TMEM132D: variants seen among roughly 807,000 people sequenced by gnomAD.
The protein encoded by TMEM132D is mature OL transmembrane protein.
A neutral mutation model predicts 62.3 loss-of-function variants in TMEM132D; 21 were observed. That is an observed-to-expected ratio of 0.34 (90% CI 0.24 to 0.49). The LOEUF (loss-of-function observed/expected upper bound fraction) is 0.49, where lower values mean the gene tolerates loss of function less well. TMEM132D is among the 20% of genes least tolerant of loss of function. The probability of loss-of-function intolerance (pLI) is 0.99; values close to 1 mark genes in which losing one functional copy is unlikely to be tolerated. For synonymous variants in TMEM132D, 621 were observed against 575.6 expected (o/e 1.08, Z -1.13); for missense variants, 1,346 against 1,402.8 (o/e 0.96, Z 0.65).
chr12:129,225,158 A>T (rs1879448510), intron 4 of TMEM132D, among the ~76,000 whole-genome samples: 1 of 152,170 alleles, frequency 6.6e-6, no homozygotes, highest in Non-Finnish European at 1.5e-5. Flanking sequence ...GGGACTGGAA[A>T]AGTTTCCATG....
intron 1 of TMEM132D, among the ~76,000 whole-genome samples, chr12:129,771,087 C>T (rs529894895): frequency 1.3e-5 from 2 of 152,332 alleles, no homozygotes; most frequent in Admixed American, 6.5e-5. Flanking sequence ...AGCCCGCACT[C>T]GGGCTCCAGC....
intron 2 of TMEM132D, among the ~76,000 whole-genome samples, chr12:129,532,067 A>T (rs1482961382): frequency 6.6e-6 from 1 of 152,124 alleles, no homozygotes; most frequent in East Asian, 1.9e-4. Flanking sequence ...AAAGAAAAAT[A>T]ATAATAAATA....
chr12:129,079,415 C>G (rs1378501254), intron 7 of TMEM132D, among the ~76,000 whole-genome samples: 1 of 152,226 alleles, frequency 6.6e-6, no homozygotes, highest in Non-Finnish European at 1.5e-5. Flanking sequence ...CTGGAATGAC[C>G]TGGAAAATGA....
At chr12:129,490,446 T>G (rs1383279429) in intron 3 of TMEM132D, among the ~76,000 whole-genome samples, 2 of 142,204 alleles carry the variant, frequency 1.4e-5, no homozygotes, top group Non-Finnish European at 3.0e-5. Flanking sequence ...TTTTTTTTTT[T>G]TTGAGACAGA....
intron 2 of TMEM132D, among the ~76,000 whole-genome samples, chr12:129,574,757 T>C (rs953329882): frequency 5.9e-5 from 9 of 151,640 alleles, no homozygotes; most frequent in African/African-American, 2.0e-4. Context: ...GTCCCACACA[T>C]GAACAACTGG....
intron 3 of TMEM132D, among the ~76,000 whole-genome samples, chr12:129,365,885 C>T (rs1159362126): frequency 2.6e-5 from 4 of 152,018 alleles, no homozygotes; most frequent in East Asian, 1.9e-4. Flanking sequence ...CCTTCCTGGA[C>T]AGGGAATCCA....
chr12:129,899,361 T>C (rs148487011), intron 1 of TMEM132D, among the ~76,000 whole-genome samples: 1 of 129,044 alleles, frequency 7.7e-6, no homozygotes, highest in African/African-American at 3.6e-5. Flanking sequence ...GAGGGATGGA[T>C]GGATGGATGG....
chr12:129,502,039 C>T (rs963853988), intron 3 of TMEM132D, among the ~76,000 whole-genome samples: 4 of 151,548 alleles, frequency 2.6e-5, no homozygotes, highest in Non-Finnish European at 4.4e-5. Flanking sequence ...CTCGCTCTGT[C>T]GTCCAGGTGG....
Position 129,399,303 on chromosome 12 carries a change from G to A in TMEM132D, c.1116-61486C>T, listed in dbSNP as rs150663430. ...CTCCAGTGATAACCAACCCACTTCTGCAGTAGCTAACCCATTCCCACAACA... is the reference window on the plus strand; with the variant it reads ...CTCCAGTGATAACCAACCCACTTCTACAGTAGCTAACCCATTCCCACAACA... On this transcript the variant is annotated intron_variant, in intron 3 of 8. Coordinates refer to ENST00000422113, the MANE Select transcript of TMEM132D (RefSeq NM_133448.3). Among the ~76,000 whole-genome samples, 42 of 65,716 alleles carry A rather than the reference G, an allele frequency of 6.4e-4. 1 individual carries two copies. In the East Asian group the frequency reaches 0.017, roughly 26 times the overall value. The allele number at this position is 65,716 out of a possible 152,430, so 43.1% of individuals were successfully genotyped here. A position where few individuals can be genotyped will look rare whatever the true frequency, so the allele number is the denominator to read the frequency against.
At chr12:129,122,644 T>C (rs1876100423) in intron 5 of TMEM132D, among the ~76,000 whole-genome samples, 1 of 152,302 alleles carries the variant, frequency 6.6e-6, no homozygotes. Context: ...CCCTGTGAAA[T>C]TGGAAGTGGA....
At chr12:129,629,061 C>G (rs1365307113) in intron 2 of TMEM132D, among the ~76,000 whole-genome samples, 1 of 152,030 alleles carries the variant, frequency 6.6e-6, no homozygotes, top group Non-Finnish European at 1.5e-5. Flanking sequence ...CATCTGTATG[C>G]CCCTTTCTCC....
intron 6 of TMEM132D, among the ~76,000 whole-genome samples, 174 bp from the exon 7 acceptor site, chr12:129,082,206 C>G (rs1282998695): frequency 2.0e-5 from 3 of 152,186 alleles, no homozygotes; most frequent in African/African-American, 7.2e-5. Context: ...GGCATGAGCA[C>G]TGACCCATCA....
At chr12:129,495,721 C>T (rs12820719) in intron 3 of TMEM132D, among the ~76,000 whole-genome samples, 49,103 of 151,902 alleles carry the variant, frequency 0.32, 9,551 homozygotes, top group Non-Finnish European at 0.44. Context: ...TGGGGAGTGC[C>T]GAAGGCTTTG....
chr12:129,354,829 T>C (rs1284296022), intron 3 of TMEM132D, among the ~76,000 whole-genome samples: 2 of 152,174 alleles, frequency 1.3e-5, no homozygotes, highest in Admixed American at 1.3e-4. Context: ...CAGCAGAATG[T>C]CCACTCTTGA....
chr12:129,370,182 A>G (rs1870550079), intron 3 of TMEM132D, among the ~76,000 whole-genome samples: 2 of 152,250 alleles, frequency 1.3e-5, no homozygotes, highest in Non-Finnish European at 2.9e-5. Context: ...TAAAAACACC[A>G]TGCAGGCCAA....
At chr12:129,445,020 C>T (rs1485360644) in intron 3 of TMEM132D, among the ~76,000 whole-genome samples, 1 of 152,136 alleles carries the variant, frequency 6.6e-6, no homozygotes, top group East Asian at 1.9e-4. Context: ...ATTATAATGA[C>T]TCATGCACAT....
chr12:129,782,990 G>A (rs1489390452), intron 1 of TMEM132D, among the ~76,000 whole-genome samples: 1 of 152,168 alleles, frequency 6.6e-6, no homozygotes, highest in Non-Finnish European at 1.5e-5. Context: ...GATTCTTCTT[G>A]TTTGTGTCTG....
chr12:129,634,425 G>GAT (rs1397449976), intron 2 of TMEM132D, among the ~76,000 whole-genome samples: 1 of 147,364 alleles, frequency 6.8e-6, no homozygotes, highest in Non-Finnish European at 1.5e-5. Context: ...AGTGAGCTGT[G>GAT]ATTGTGCCAA....
At chr12:129,278,472 C>T (rs991304896) in intron 4 of TMEM132D, among the ~76,000 whole-genome samples, 1 of 152,192 alleles carries the variant, frequency 6.6e-6, no homozygotes, top group Non-Finnish European at 1.5e-5. Context: ...ATGCCATGCA[C>T]TCCAAGGCTC....
Sources: allele counts gnomAD v4.1 joint callset (sites outside exome capture counted in the v4.1 genomes callset), GRCh38; gene constraint gnomAD v4.1.1; transcripts MANE v1.5; gene names NCBI Gene and HGNC (gene_info 2026-07-23, HGNC 2026-07-21).